The following STX18 variants were observed in gnomAD, a reference collection of about 807,000 sequenced individuals.
STX18 encodes the protein syntaxin-18.
STX18 carries 40 observed loss-of-function variants against 50.1 expected under a neutral mutation model. The ratio of observed to expected loss-of-function variants is 0.80; its 90% CI spans 0.62 to 1.04. STX18 has a LOEUF of 1.04. Ranked by LOEUF, STX18 falls within the 50% of genes least tolerant of loss-of-function variation. The pLI is 0.00. For synonymous variants in STX18, 158 were observed against 151.8 expected (o/e 1.04, Z -0.30); for missense variants, 410 against 415.8 (o/e 0.99, Z 0.12).
At chr4:4,521,312 A>G (rs945992899) in intron 1 of STX18, among the ~76,000 whole-genome samples, 1 of 152,198 alleles carries the variant, frequency 6.6e-6, no homozygotes, top group African/African-American at 2.4e-5. Context: ...TTGACCACAC[A>G]AACACAATAC....
intron 2 of STX18, among the ~76,000 whole-genome samples, chr4:4,462,403 C>T (rs997920009): frequency 3.9e-5 from 6 of 152,220 alleles, no homozygotes; most frequent in Admixed American, 2.6e-4. Context: ...AAGTTATATT[C>T]ATTCACATGA....
At chr4:4,496,255 C>T (rs73088215) in intron 1 of STX18, among the ~76,000 whole-genome samples, 286 of 152,258 alleles carry the variant, frequency 1.9e-3, no homozygotes, top group African/African-American at 6.7e-3. Flanking sequence ...GAGGCCTAGG[C>T]AGCAGGATGA....
At chr4:4,455,064 G>A (rs1184937666) in intron 5 of STX18, among the ~76,000 whole-genome samples, 1 of 152,164 alleles carries the variant, frequency 6.6e-6, no homozygotes, top group East Asian at 1.9e-4. Flanking sequence ...TAAGCAACCT[G>A]CTCAAAGTCA....
intron 5 of STX18, among the ~76,000 whole-genome samples, chr4:4,441,834 CT>C (rs1726123102): frequency 6.6e-6 from 1 of 152,044 alleles, no homozygotes; most frequent in Non-Finnish European, 1.5e-5. Flanking sequence ...GATATGCATA[CT>C]AAAGTATTGA....
At chr4:4,458,987 G>C (rs2108818099) in intron 3 of STX18, among the ~76,000 whole-genome samples, 1 of 151,720 alleles carries the variant, frequency 6.6e-6, no homozygotes, top group Non-Finnish European at 1.5e-5. Context: ...ATGCCACACA[G>C]AACAGAGGCA....
At chr4:4,427,488 C>T (rs1018798238) in intron 7 of STX18, among the ~76,000 whole-genome samples, 9 of 152,342 alleles carry the variant, frequency 5.9e-5, no homozygotes, top group African/African-American at 2.2e-4. Context: ...AACATGCAGG[C>T]GCCAATTCAC....
At chr4:4,507,056 C>T in intron 1 of STX18, 1 of 498,250 alleles carries the variant, frequency 2.0e-6, no homozygotes, top group Non-Finnish European at 3.9e-6. Context: ...TCTTCCTAAG[C>T]CAGTGCTCAG....
intron 1 of STX18, among the ~76,000 whole-genome samples, chr4:4,519,434 G>GGAA (rs112782296): frequency 0.035 from 5,258 of 152,200 alleles, 282 homozygotes; most frequent in African/African-American, 0.12. Context: ...TAAGCTTTAT[G>GGAA]GAAAGTCCTA....
chr4:4,541,230 T>C (rs564659985), intron 1 of STX18, among the ~76,000 whole-genome samples: 39 of 152,280 alleles, frequency 2.6e-4, no homozygotes, highest in African/African-American at 7.0e-4. Flanking sequence ...CCTGCTCTGA[T>C]CAGGGAACAG....
intron 1 of STX18, among the ~76,000 whole-genome samples, chr4:4,491,512 T>G (rs1301548630): frequency 6.6e-6 from 1 of 152,180 alleles, no homozygotes; most frequent in Non-Finnish European, 1.5e-5. Context: ...TATTAAAATA[T>G]GACAAACCTT....
chr4:4,542,003 C>A lies in STX18; in HGVS notation c.-39G>T. 2.0e-6 allele frequency: 3 copies of A among 1,519,608 alleles called. No homozygotes were observed. The highest frequency in any genetic ancestry group is 2.6e-6 in the Non-Finnish European group (3 of 1,132,554). 94.1% of individuals were successfully genotyped at this position (1,519,608 alleles called of 1,614,324 possible). On this transcript the variant is annotated 5_prime_UTR_variant, in exon 1 of 11. Coordinates refer to ENST00000306200, the MANE Select transcript of STX18 (RefSeq NM_016930.4). ...CTCAGCCCCACACTAGGCCCGCCCA[C>A]GTAAGCAGCCGGCGACCGCGGCGCG... is the stretch of plus-strand genomic sequence containing the variant.
Position 4,460,511 on chromosome 4 carries a change from G to A in STX18, c.237-1024C>T, listed in dbSNP as rs756228520. On this transcript the variant is annotated intron_variant, in intron 2 of 10. Transcript: ENST00000306200. ...ACAGGCCCTTCTAAAAAAGAAAGGG[G>A]TAAGATGAGCACGAAGTCCTTCTCA... Among the ~76,000 whole-genome samples, 27 of 152,096 alleles carry A rather than the reference G, an allele frequency of 1.8e-4. 1 individual carries two copies. The highest frequency in any genetic ancestry group is 3.2e-3 in the Middle Eastern group (1 of 316).
chr4:4,428,816 G>C (rs1176070027), intron 7 of STX18, among the ~76,000 whole-genome samples: 2 of 152,178 alleles, frequency 1.3e-5, no homozygotes, highest in African/African-American at 4.8e-5. Flanking sequence ...CGACAGATGG[G>C]TATCTAGATG....
At chr4:4,441,458 C>T (rs934065925) in intron 5 of STX18, among the ~76,000 whole-genome samples, 1 of 152,102 alleles carries the variant, frequency 6.6e-6, no homozygotes, top group Non-Finnish European at 1.5e-5. Context: ...TGATAATGTA[C>T]CTCATTTACA....
intron 8 of STX18, among the ~76,000 whole-genome samples, chr4:4,424,831 A>G (rs1319938979): frequency 2.0e-5 from 3 of 152,102 alleles, no homozygotes; most frequent in Non-Finnish European, 4.4e-5. Context: ...TAAGGGCCCC[A>G]TTTCATTTCA....
At chr4:4,539,390 T>G (rs1731477900) in intron 1 of STX18, among the ~76,000 whole-genome samples, 1 of 152,210 alleles carries the variant, frequency 6.6e-6, no homozygotes, top group Non-Finnish European at 1.5e-5. Flanking sequence ...TTTTGACATC[T>G]AATTGTAGTA....
At chr4:4,462,625 G>A (rs1280819210) in intron 2 of STX18, among the ~76,000 whole-genome samples, 1 of 152,088 alleles carries the variant, frequency 6.6e-6, no homozygotes, top group Non-Finnish European at 1.5e-5. Flanking sequence ...TACTCAGGAG[G>A]CTGAGGCAGG....
intron 2 of STX18, among the ~76,000 whole-genome samples, chr4:4,463,570 A>C (rs1577345924): frequency 6.6e-6 from 1 of 152,350 alleles, no homozygotes; most frequent in Non-Finnish European, 1.5e-5. Context: ...GGAAAAGGGA[A>C]GTTAATAAGT....
intron 5 of STX18, among the ~76,000 whole-genome samples, chr4:4,444,090 T>C (rs560981892): frequency 1.3e-5 from 2 of 152,298 alleles, no homozygotes; most frequent in East Asian, 3.9e-4. Flanking sequence ...ACTGTATCAG[T>C]GCATGGCAGA....
Sources: allele counts gnomAD v4.1 joint callset (sites outside exome capture counted in the v4.1 genomes callset), GRCh38; gene constraint gnomAD v4.1.1; transcripts MANE v1.5; gene names NCBI Gene and HGNC (gene_info 2026-07-23, HGNC 2026-07-21).